BANK1: variants seen among roughly 807,000 people sequenced by gnomAD.
BANK1 encodes B cell scaffold protein with ankyrin repeats 1.
A neutral mutation model predicts 94.5 loss-of-function variants in BANK1; 95 were observed. The ratio of observed to expected loss-of-function variants is 1.00; its 90% CI spans 0.85 to 1.19. The LOEUF (loss-of-function observed/expected upper bound fraction) is 1.19. Among genes scored for constraint, BANK1 ranks in the 50% most tolerant of loss-of-function variants. BANK1 has a pLI of 0.00. For missense variants in BANK1, 987 were observed against 932.2 expected (o/e 1.06, Z -0.77); for synonymous variants, 334 against 308.4 (o/e 1.08, Z -0.87).
At chr4:101,861,671 A>ATGTG (rs144912145) in intron 3 of BANK1, among the ~76,000 whole-genome samples, 1 of 150,394 alleles carries the variant, frequency 6.6e-6, no homozygotes, top group Non-Finnish European at 1.5e-5. Context: ...TGGTATGTGT[A>ATGTG]TGTGTGTGTG....
chr4:102,033,450 T>C (rs1212314862), intron 10 of BANK1, among the ~76,000 whole-genome samples: 1 of 152,142 alleles, frequency 6.6e-6, no homozygotes, highest in Non-Finnish European at 1.5e-5. Context: ...TGATAAAACC[T>C]GTGTACTAAG....
intron 7 of BANK1, among the ~76,000 whole-genome samples, chr4:102,000,309 C>T (rs1433146538): frequency 1.8e-5 from 2 of 113,302 alleles, no homozygotes; most frequent in Non-Finnish European, 3.3e-5. Flanking sequence ...GGTGGCAGAG[C>T]GAAACTCTGT....
intron 2 of BANK1, among the ~76,000 whole-genome samples, chr4:101,853,530 G>C (rs1452185585): frequency 6.6e-6 from 1 of 152,082 alleles, no homozygotes; most frequent in Non-Finnish European, 1.5e-5. Context: ...GGAGAACCAT[G>C]GGGTATCTCA....
intron 4 of BANK1, among the ~76,000 whole-genome samples, chr4:101,867,169 A>C (rs1728103535): frequency 2.2e-5 from 1 of 45,004 alleles, no homozygotes. Flanking sequence ...GTATAATAAA[A>C]AAAATTTAAA....
At chr4:101,978,691 G>GA (rs954188433) in intron 7 of BANK1, among the ~76,000 whole-genome samples, 4 of 149,964 alleles carry the variant, frequency 2.7e-5, no homozygotes, top group Admixed American at 6.7e-5. Context: ...TCTTTCCATT[G>GA]AAAAAAAAAG....
intron 1 of BANK1, among the ~76,000 whole-genome samples, chr4:101,814,764 T>C (rs542045045): frequency 1.3e-5 from 2 of 152,310 alleles, no homozygotes; most frequent in South Asian, 4.1e-4. Context: ...TTTTGTTTTT[T>C]CATTAACTTG....
intron 2 of BANK1, among the ~76,000 whole-genome samples, chr4:101,834,240 T>A (rs1726739386): frequency 6.6e-6 from 1 of 152,196 alleles, no homozygotes; most frequent in Admixed American, 6.5e-5. Flanking sequence ...GAGGAAAAAC[T>A]CACACCTTAT....
intron 11 of BANK1, among the ~76,000 whole-genome samples, chr4:102,045,164 G>A (rs1182173885): frequency 1.3e-5 from 2 of 151,962 alleles, no homozygotes; most frequent in Non-Finnish European, 2.9e-5. Flanking sequence ...TATGGTTTTA[G>A]GTCTAACGTT....
intron 6 of BANK1, among the ~76,000 whole-genome samples, chr4:101,906,127 A>G (rs1053883326): frequency 6.6e-6 from 1 of 152,208 alleles, no homozygotes; most frequent in Non-Finnish European, 1.5e-5. Flanking sequence ...TTATCTGCCC[A>G]TCAAGTTTTA....
chr4:102,055,498 A>G (rs981315630), intron 11 of BANK1, among the ~76,000 whole-genome samples: 1 of 152,066 alleles, frequency 6.6e-6, no homozygotes, highest in African/African-American at 2.4e-5. Flanking sequence ...AGCAACTGCA[A>G]TAACATGCAT....
chr4:102,054,800 C>T (rs1728175012), intron 11 of BANK1, among the ~76,000 whole-genome samples: 2 of 152,152 alleles, frequency 1.3e-5, no homozygotes, highest in Non-Finnish European at 2.9e-5. Context: ...AAGGTCTGTA[C>T]AGAATTCTTT....
intron 2 of BANK1, among the ~76,000 whole-genome samples, chr4:101,851,822 T>A (rs1180826214): frequency 1.3e-5 from 2 of 152,186 alleles, no homozygotes; most frequent in Non-Finnish European, 2.9e-5. Context: ...TAAAATAGGC[T>A]TCTTTTATTC....
At chr4:101,819,981 C>G (rs1726078029) in intron 1 of BANK1, among the ~76,000 whole-genome samples, 1 of 150,710 alleles carries the variant, frequency 6.6e-6, no homozygotes. Context: ...TGCCACAAAG[C>G]CTAAAGTATT....
At chr4:101,817,328 C>G (rs1405322497) in intron 1 of BANK1, among the ~76,000 whole-genome samples, 1 of 152,092 alleles carries the variant, frequency 6.6e-6, no homozygotes, top group Non-Finnish European at 1.5e-5. Flanking sequence ...TACATGTACA[C>G]CATGGAATTC....
At chr4:101,944,035 T>C (rs1453714963) in intron 7 of BANK1, among the ~76,000 whole-genome samples, 1 of 149,470 alleles carries the variant, frequency 6.7e-6, no homozygotes, top group African/African-American at 2.5e-5. Context: ...TGTGTGTGTG[T>C]GTGTGAGAGA....
chr4:101,876,831 G>T (rs1281810789), intron 5 of BANK1, among the ~76,000 whole-genome samples: 1 of 152,118 alleles, frequency 6.6e-6, no homozygotes, highest in Non-Finnish European at 1.5e-5. Flanking sequence ...TTCTGTCAGA[G>T]AAATTTAATA....
chr4:102,009,916 C>A (rs1578452955), intron 7 of BANK1, among the ~76,000 whole-genome samples: 1 of 152,156 alleles, frequency 6.6e-6, no homozygotes, highest in East Asian at 1.9e-4. Context: ...TTTGCCTAAC[C>A]TACTCTCTGA....
chr4:102,062,940 T>A (rs1728467904), intron 12 of BANK1, 135 bp from the exon 13 acceptor site: 1 of 635,942 alleles, frequency 1.6e-6, no homozygotes, highest in Non-Finnish European at 2.8e-6. Flanking sequence ...GTATCAAGGA[T>A]GGCAATTGAG....
chr4:101,993,721 C>T (rs913853892), intron 7 of BANK1, among the ~76,000 whole-genome samples: 2 of 152,222 alleles, frequency 1.3e-5, no homozygotes, highest in South Asian at 2.1e-4. Context: ...CTGGGCAGGG[C>T]GTTTGATTAC....
Sources: gnomAD v4.1 joint callset for allele counts (sites outside exome capture counted in the v4.1 genomes callset) on GRCh38, gnomAD v4.1.1 for gene constraint, MANE v1.5 for transcripts, NCBI Gene and HGNC (gene_info 2026-07-23, HGNC 2026-07-21) for gene names.